The following EXOC2 variants were observed in gnomAD, a reference collection of about 807,000 sequenced individuals.
The protein encoded by EXOC2 is SEC5-like 1.
In EXOC2, 70 loss-of-function variants were observed where a neutral mutation model predicts 131.8. That is an observed-to-expected ratio of 0.53 (90% CI 0.44 to 0.65). The LOEUF (loss-of-function observed/expected upper bound fraction) is 0.65. Ranked by LOEUF, EXOC2 falls within the 30% of genes least tolerant of loss-of-function variation. EXOC2 has a pLI of 0.00. For missense variants in EXOC2, 923 were observed against 1,108.6 expected, an observed-to-expected ratio of 0.83 and a Z score of 2.38; for synonymous variants, 411 against 398.4, an observed-to-expected ratio of 1.03 and a Z score of -0.38.
At chr6:596,359 G>A (rs1028746167) in intron 10 of EXOC2, among the ~76,000 whole-genome samples, 1 of 151,730 alleles carries the variant, frequency 6.6e-6, no homozygotes, top group African/African-American at 2.4e-5. Context: ...CAGGCCAGAC[G>A]CTCTTTTCAA....
intron 1 of EXOC2, among the ~76,000 whole-genome samples, chr6:649,274 G>A (rs948417384): frequency 6.6e-6 from 1 of 152,186 alleles, no homozygotes; most frequent in African/African-American, 2.4e-5. Context: ...TAATACAGAT[G>A]AGAATCAGGA....
intron 1 of EXOC2, chr6:656,994 C>A: frequency 7.0e-7 from 1 of 1,436,336 alleles, no homozygotes; most frequent in South Asian, 1.4e-5. Flanking sequence ...TTCCGCGTGC[C>A]ACAAGCCCTT....
intron 7 of EXOC2, among the ~76,000 whole-genome samples, chr6:604,706 A>T (rs889085859): frequency 2.7e-5 from 4 of 146,108 alleles, no homozygotes; most frequent in Non-Finnish European, 4.5e-5. Context: ...CTCTGAACTC[A>T]CGCGCTGGCC....
At chr6:502,882 T>C (rs1203137742) in intron 23 of EXOC2, among the ~76,000 whole-genome samples, 2 of 152,164 alleles carry the variant, frequency 1.3e-5, no homozygotes, top group Admixed American at 6.5e-5. Context: ...CTGGTAATGT[T>C]GGAAAAAGAG....
At chr6:617,633 A>G (rs1003271591) in intron 6 of EXOC2, 78 bp downstream of exon 6, 11 of 1,521,960 alleles carry the variant, frequency 7.2e-6, no homozygotes, top group African/African-American at 4.2e-5. Flanking sequence ...CGAGTGTCAC[A>G]CCCTGTAAAC....
chr6:676,080 TGCGGTTCCCC>T (rs1764111323), intron 1 of EXOC2, among the ~76,000 whole-genome samples: 1 of 86,174 alleles, frequency 1.2e-5, no homozygotes, highest in Non-Finnish European at 2.5e-5. Context: ...CTCTGGCGAC[TGCGGTTCCCC>T]ATACTCTTCA....
intron 5 of EXOC2, 80 bp from the exon 6 acceptor site, chr6:617,915 T>A: frequency 6.7e-7 from 1 of 1,486,126 alleles, no homozygotes; most frequent in Non-Finnish European, 9.1e-7. Flanking sequence ...TGGAGAACAC[T>A]AAATATGCTA....
At chr6:562,637 A>G (rs1323183130) in intron 17 of EXOC2, 147 bp downstream of exon 17, 6 of 491,040 alleles carry the variant, frequency 1.2e-5, no homozygotes, top group Non-Finnish European at 2.1e-5. Context: ...GTGTTAAGCA[A>G]AAATGTCTCT....
chr6:575,531 T>TCCTCTCCCTCGCTCCAC lies in EXOC2; in HGVS notation c.1318+1225_1318+1226insGTGGAGCGAGGGAGAGG, dbSNP rs1561876882. Among the ~76,000 whole-genome samples the TCCTCTCCCTCGCTCCAC allele has an allele frequency of 2.8e-4, 43 of 151,928 alleles. No homozygotes were observed. The East Asian group carries it at 7.4e-3, about 26-fold the overall frequency. ...CCTCTCCATCCTCTCCCTCGCTCCA[T>TCCTCTCCCTCGCTCCAC]CTCCTGCCATGCGACATGCTGGCTC... On this transcript the variant is annotated intron_variant, in intron 12 of 27. Coordinates refer to ENST00000230449, the MANE Select transcript of EXOC2 (RefSeq NM_018303.6).
chr6:582,481 C>T (rs189465430), intron 11 of EXOC2, among the ~76,000 whole-genome samples: 44 of 152,190 alleles, frequency 2.9e-4, no homozygotes, highest in South Asian at 1.0e-3. Flanking sequence ...CATTTTCCTG[C>T]GCACAGCGGG....
In EXOC2 at chr6:486,768, C is replaced by CA. The variant is rs771490237; in HGVS notation, c.2682-5dup. 2 of 1,613,022 alleles carry CA rather than the reference C, an allele frequency of 1.2e-6. No homozygotes were observed. The highest frequency in any genetic ancestry group is 1.7e-6 in the Non-Finnish European group (2 of 1,179,208). ...GTTCAGGAGCTCTTCCAGTAACCTG[C>CA]AGGACGGAGACACTTGTTTTACAGC... On this transcript the variant is annotated splice_region_variant and splice_polypyrimidine_tract_variant and intron_variant, in intron 27 of 27. Transcript: ENST00000230449.
intron 1 of EXOC2, chr6:656,266 C>T: frequency 1.9e-6 from 3 of 1,614,226 alleles, no homozygotes; most frequent in African/African-American, 1.3e-5. Flanking sequence ...CGCACTTGCA[C>T]CATGCTCTCC....
chr6:640,376 A>G (rs1243720376), intron 1 of EXOC2, among the ~76,000 whole-genome samples: 1 of 152,194 alleles, frequency 6.6e-6, no homozygotes, highest in Admixed American at 6.5e-5. Context: ...GCCAAAGGGA[A>G]TGAGGAAAGA....
At chr6:553,163 T>C (rs1419644441) in intron 21 of EXOC2, among the ~76,000 whole-genome samples, 3 of 152,118 alleles carry the variant, frequency 2.0e-5, no homozygotes, top group Non-Finnish European at 4.4e-5. Context: ...AGTGATCCAC[T>C]TGCCTCGGCC....
At chr6:575,583 A>G (rs722676) in intron 12 of EXOC2, among the ~76,000 whole-genome samples, 77,954 of 151,404 alleles carry the variant, frequency 0.51, 20,867 homozygotes, top group Admixed American at 0.64. Context: ...CATGACTGGA[A>G]GCTTCCTGAG....
chr6:603,156 G>T (rs559310872), intron 7 of EXOC2, among the ~76,000 whole-genome samples: 7 of 152,236 alleles, frequency 4.6e-5, no homozygotes, highest in African/African-American at 1.7e-4. Context: ...TCAGAGGCAG[G>T]ACAGAAGGAA....
At chr6:495,640 C>T (rs952577115) in intron 25 of EXOC2, among the ~76,000 whole-genome samples, 13 of 152,140 alleles carry the variant, frequency 8.5e-5, no homozygotes, top group Admixed American at 3.9e-4. Context: ...GTTGCTGCAT[C>T]GCGTCCTCGA....
chr6:557,932 C>T (rs78529815), intron 17 of EXOC2, among the ~76,000 whole-genome samples: 9,183 of 152,048 alleles, frequency 0.06, 427 homozygotes, highest in Non-Finnish European at 0.096. Context: ...CAGGCTTCAT[C>T]CGGAGCAGCG....
intron 7 of EXOC2, among the ~76,000 whole-genome samples, chr6:605,107 A>C (rs1315189528): frequency 2.0e-5 from 3 of 152,204 alleles, no homozygotes; most frequent in Non-Finnish European, 4.4e-5. Context: ...AAATGCTTAC[A>C]GAGGAAGGAC....
Sources: allele counts gnomAD v4.1 joint callset (sites outside exome capture counted in the v4.1 genomes callset), GRCh38; gene constraint gnomAD v4.1.1; transcripts MANE v1.5; gene names NCBI Gene and HGNC (gene_info 2026-07-23, HGNC 2026-07-21).